The following TAF4 variants were observed in gnomAD, a reference collection of about 807,000 sequenced individuals.
The protein encoded by TAF4 is TATA-box binding protein associated factor 4.
Under a neutral mutation model 90.3 loss-of-function variants are expected in TAF4, and 9 were observed. The ratio of observed to expected loss-of-function variants is 0.10; its 90% CI spans 0.06 to 0.17. The LOEUF is 0.17. TAF4 is among the 10% of genes least tolerant of loss of function. The probability of loss-of-function intolerance (pLI) is 1.00; values close to 1 mark genes in which losing one functional copy is unlikely to be tolerated. For missense variants in TAF4, 1,351 were observed against 1,370.7 expected, an observed-to-expected ratio of 0.99 and a Z score of 0.23; for synonymous variants, 818 against 638.9, an observed-to-expected ratio of 1.28 and a Z score of -4.23.
At chr20:62,023,843 G>A (rs1351458991) in intron 1 of TAF4, among the ~76,000 whole-genome samples, 1 of 151,764 alleles carries the variant, frequency 6.6e-6, no homozygotes, top group Admixed American at 6.6e-5. Context: ...AGCACTCTGG[G>A]AGGCCAAGGC....
chr20:62,004,422 G>A (rs1475925134), intron 7 of TAF4: 2 of 144,484 alleles, frequency 1.4e-5, no homozygotes, highest in Admixed American at 1.5e-4. Context: ...TGCCTTCCGG[G>A]CTCAAGTGAT....
At chr20:61,984,409 C>T (rs555355422) in intron 14 of TAF4, among the ~76,000 whole-genome samples, 1 of 152,364 alleles carries the variant, frequency 6.6e-6, no homozygotes, top group African/African-American at 2.4e-5. Context: ...GCCCCAACAG[C>T]AGGCCTCCAA....
chr20:61,980,601 A>G (rs1463855665), intron 14 of TAF4: 1 of 152,292 alleles, frequency 6.6e-6, no homozygotes, highest in Non-Finnish European at 1.5e-5. Flanking sequence ...TAGTAGCGAA[A>G]AACACTCAGA....
intron 1 of TAF4, among the ~76,000 whole-genome samples, chr20:62,022,259 AC>A (rs1350970610): frequency 6.6e-6 from 1 of 152,062 alleles, no homozygotes; most frequent in Non-Finnish European, 1.5e-5. Flanking sequence ...CTCACTCTTC[AC>A]CCAAGCATGG....
intron 1 of TAF4, among the ~76,000 whole-genome samples, chr20:62,063,637 G>C (rs7272689): frequency 6.6e-6 from 1 of 152,130 alleles, no homozygotes. Flanking sequence ...ACCCCTGCAC[G>C]GAGCGAGAAC....
At chr20:62,020,941 A>G (rs1367799751) in intron 1 of TAF4, among the ~76,000 whole-genome samples, 5 of 152,198 alleles carry the variant, frequency 3.3e-5, no homozygotes, top group Non-Finnish European at 5.9e-5. Context: ...CAGCGTGAAC[A>G]TGAGGAAGGA....
At chr20:62,033,686 G>A (rs1454190410) in intron 1 of TAF4, among the ~76,000 whole-genome samples, 10 of 149,694 alleles carry the variant, frequency 6.7e-5, no homozygotes, top group Admixed American at 6.7e-5. Context: ...GCAGTGAGAT[G>A]AGATTGTGCT....
intron 14 of TAF4, among the ~76,000 whole-genome samples, chr20:61,981,900 T>C (rs79811504): frequency 0.1 from 1,497 of 14,636 alleles, no homozygotes; most frequent in African/African-American, 0.25. Flanking sequence ...AGAGGAGACA[T>C]CAAACCCACA....
chr20:62,060,054 G>A (rs1426798395), intron 1 of TAF4, among the ~76,000 whole-genome samples: 2 of 152,212 alleles, frequency 1.3e-5, no homozygotes, highest in Admixed American at 6.5e-5. Context: ...TGCTGAGCCC[G>A]GTCTGTGCTG....
intron 1 of TAF4, among the ~76,000 whole-genome samples, chr20:62,051,894 T>C (rs759070195): frequency 5.3e-5 from 8 of 152,144 alleles, no homozygotes; most frequent in Middle Eastern, 3.2e-3. Flanking sequence ...CCACAGGACA[T>C]GCTCCATTCT....
chr20:61,996,128 C>T (rs189017862), intron 14 of TAF4, among the ~76,000 whole-genome samples: 1 of 152,216 alleles, frequency 6.6e-6, no homozygotes, highest in East Asian at 1.9e-4. Context: ...ATGCCAGAGA[C>T]ATGAAGCATA....
In TAF4 at chr20:62,065,238, GC is replaced by G; in HGVS notation, c.572del (p.Gly191AlafsTer8). On this transcript the variant is annotated frameshift_variant, in exon 1 of 15. Coordinates refer to ENST00000252996, the MANE Select transcript of TAF4 (RefSeq NM_003185.4). LOFTEE classifies it high-confidence loss of function. ...GPGPGPGKPA[G>X]PGAAQTLNGS... is the part of the protein sequence containing the mutation. ...CATTCAAAGTTTGCGCGGCGCCGGG[GC>G]CGGCGGGCTTGCCAGGGCCAGGGCC... 1 of 1,095,536 alleles carries G rather than the reference GC, an allele frequency of 9.1e-7. No individual in the cohort carries two copies. 67.9% of individuals were successfully genotyped at this position (1,095,536 alleles called of 1,614,324 possible). A position where few individuals can be genotyped will look rare whatever the true frequency, so the allele number is the denominator to read the frequency against.
At chr20:62,014,499 G>A in intron 2 of TAF4, 48 bp downstream of exon 2, 1 of 1,545,836 alleles carries the variant, frequency 6.5e-7, no homozygotes, top group South Asian at 1.2e-5. Context: ...GTGGGGAGAG[G>A]GGCTGGGCAG....
intron 14 of TAF4, among the ~76,000 whole-genome samples, 186 bp downstream of exon 14, chr20:61,997,364 T>C (rs779075783): frequency 2.0e-5 from 3 of 152,228 alleles, no homozygotes; most frequent in African/African-American, 4.8e-5. Flanking sequence ...GCTCAAGTGA[T>C]AGCCACAAAT....
At chr20:62,049,419 C>G (rs948963223) in intron 1 of TAF4, among the ~76,000 whole-genome samples, 3 of 152,164 alleles carry the variant, frequency 2.0e-5, no homozygotes, top group African/African-American at 7.2e-5. Flanking sequence ...GCTCAGTGAC[C>G]ACCGCCCTCT....
chr20:62,003,590 A>T, intron 8 of TAF4, 141 bp downstream of exon 8: 9 of 939,568 alleles, frequency 9.6e-6, no homozygotes, highest in Non-Finnish European at 1.2e-5. Flanking sequence ...AGTAAATGAA[A>T]TCAGTGCCAC....
At chr20:62,029,486 G>GCGCGCACACACA (rs148456376) in intron 1 of TAF4, among the ~76,000 whole-genome samples, 15 of 146,088 alleles carry the variant, frequency 1.0e-4, no homozygotes, top group African/African-American at 3.9e-4. Flanking sequence ...GCGCGCGCGC[G>GCGCGCACACACA]CACACACACA....
At chr20:62,018,865 G>A (rs1217374683) in intron 1 of TAF4, among the ~76,000 whole-genome samples, 1 of 152,246 alleles carries the variant, frequency 6.6e-6, no homozygotes, top group Non-Finnish European at 1.5e-5. Flanking sequence ...GTGGTGACGG[G>A]ATGGGGCATA....
rs1452134391 is a variant in TAF4, at chr20:62,065,447, G to A, written c.364C>T (p.Pro122Ser). Residue 122 changes from proline to serine, a missense_variant, in exon 1 of 15, where the codon CCC becomes TCC. Coordinates refer to ENST00000252996, the MANE Select transcript of TAF4 (RefSeq NM_003185.4). Reference sequence around the variant, plus strand: ...GGCGGCGGCCTCAGCTTCGCGGCGGGCGGCGCGGGCCCTGCGGGGACAAGG... The same window carrying A: ...GGCGGCGGCCTCAGCTTCGCGGCGGACGGCGCGGGCCCTGCGGGGACAAGG... ...RPLVPAGPAP[P>S]AAKLRPPPEG... The A allele has an allele frequency of 4.1e-6, 4 of 977,018 alleles. No homozygotes were observed. The African/African-American group carries it at 7.1e-5, about 17-fold the overall frequency. The allele number at this position is 977,018 out of a possible 1,614,324, so 60.5% of individuals were successfully genotyped here.
Sources: allele counts gnomAD v4.1 joint callset (sites outside exome capture counted in the v4.1 genomes callset), GRCh38; gene constraint gnomAD v4.1.1; transcripts MANE v1.5; gene names NCBI Gene and HGNC (gene_info 2026-07-23, HGNC 2026-07-21).